Variants in TPST2 observed in about 807,000 individuals in gnomAD.
TPST2 encodes protein-tyrosine sulfotransferase 2.
Under a neutral mutation model 27.8 loss-of-function variants are expected in TPST2, and 16 were observed. That is an observed-to-expected ratio of 0.58 (90% CI 0.39 to 0.88). TPST2 has a LOEUF of 0.88. TPST2 is among the 40% of genes least tolerant of loss of function. The pLI, the probability that TPST2 is intolerant of heterozygous loss-of-function variation, is 0.00. For synonymous variants in TPST2, 229 were observed against 231.7 expected (o/e 0.99, Z 0.10); for missense variants, 464 against 543.1 (o/e 0.85, Z 1.45).
At chr22:26,545,754 AG>A (rs1926081722) in intron 1 of TPST2, among the ~76,000 whole-genome samples, 1 of 152,190 alleles carries the variant, frequency 6.6e-6, no homozygotes, top group African/African-American at 2.4e-5. Context: ...GATTTTAACC[AG>A]GGTAACAACA....
intron 5 of TPST2, among the ~76,000 whole-genome samples, chr22:26,529,722 G>GTTGTATTC (rs1336147839): frequency 6.6e-6 from 1 of 152,162 alleles, no homozygotes; most frequent in African/African-American, 2.4e-5. Flanking sequence ...CTGTACCTGA[G>GTTGTATTC]TTGTATTCTT....
intron 1 of TPST2, among the ~76,000 whole-genome samples, chr22:26,588,931 G>A (rs1035760227): frequency 9.2e-5 from 14 of 152,194 alleles, no homozygotes; most frequent in African/African-American, 3.1e-4. Flanking sequence ...CTGTTGGGAA[G>A]TGAGAAAAAG....
intron 1 of TPST2, among the ~76,000 whole-genome samples, chr22:26,588,655 G>A (rs1221549147): frequency 6.6e-6 from 1 of 152,126 alleles, no homozygotes; most frequent in Non-Finnish European, 1.5e-5. Context: ...AGTGGGGTGG[G>A]GGGATTCAGA....
chr22:26,536,227 A>G lies in TPST2; in HGVS notation c.1041+61T>C, dbSNP rs553997414. 1.5e-5 allele frequency: 24 copies of G among 1,582,134 alleles called. No individual in the cohort carries two copies. In the African/African-American group the frequency reaches 2.8e-4, roughly 19 times the overall value. On this transcript the variant is annotated intron_variant, in intron 4 of 6. Transcript: ENST00000338754. ...ATTTCCTCAGGTGGCTGGAGTTTCC[A>G]CATCTGCAGAAGCCCCATATCCCCA...
chr22:26,577,095 CAAAA>C (rs34865016), intron 1 of TPST2, among the ~76,000 whole-genome samples: 3 of 75,526 alleles, frequency 4.0e-5, no homozygotes, highest in Admixed American at 1.7e-4. Context: ...GACTCTGTTG[CAAAA>C]AAAAAAAAAA....
chr22:26,537,176 G>A (rs1925514969), intron 3 of TPST2, among the ~76,000 whole-genome samples: 2 of 152,152 alleles, frequency 1.3e-5, no homozygotes, highest in Non-Finnish European at 2.9e-5. Flanking sequence ...CCAGCCCATC[G>A]GCTTCCTACA....
At chr22:26,568,864 CTTT>C (rs985608738) in intron 1 of TPST2, among the ~76,000 whole-genome samples, 8 of 119,588 alleles carry the variant, frequency 6.7e-5, no homozygotes, top group African/African-American at 6.3e-5. Context: ...ACCCTGAATT[CTTT>C]TTTTTTTTTT....
In TPST2 at chr22:26,576,196, A is replaced by G. The variant is rs531871120; in HGVS notation, c.-161+13857T>C. 7.9e-5 allele frequency among the ~76,000 whole-genome samples: 12 copies of G among 152,236 alleles called. No homozygotes were observed. The South Asian group carries it at 1.2e-3, about 16-fold the overall frequency. ...CTAATTAAGGAAATCCCACGTCCCA[A>G]TGGGGCTCCACCCCATATGCCTTGG... On this transcript the variant is annotated intron_variant, in intron 1 of 6. Coordinates refer to ENST00000338754, the MANE Select transcript of TPST2 (RefSeq NM_003595.5).
At chr22:26,528,416 G>A (rs1045744643) in intron 5 of TPST2, among the ~76,000 whole-genome samples, 154 bp from the exon 6 acceptor site, 1 of 152,216 alleles carries the variant, frequency 6.6e-6, no homozygotes, top group African/African-American at 2.4e-5. Flanking sequence ...CTGGGATAGC[G>A]TGGTGAGCGG....
At chr22:26,557,137 T>C (rs1926843445) in intron 1 of TPST2, among the ~76,000 whole-genome samples, 1 of 152,232 alleles carries the variant, frequency 6.6e-6, no homozygotes, top group African/African-American at 2.4e-5. Flanking sequence ...GCATGTGACC[T>C]TGGCTACTAA....
At chr22:26,576,481 G>A (rs1273056904) in intron 1 of TPST2, among the ~76,000 whole-genome samples, 2 of 151,998 alleles carry the variant, frequency 1.3e-5, no homozygotes, top group African/African-American at 2.4e-5. Context: ...GAGCTGAGTC[G>A]AAAAGAATGC....
intron 1 of TPST2, among the ~76,000 whole-genome samples, chr22:26,553,160 G>T (rs916893175): frequency 6.6e-6 from 1 of 151,946 alleles, no homozygotes; most frequent in Non-Finnish European, 1.5e-5. Context: ...GAGCCGAGGT[G>T]GAAGCCAGTT....
chr22:26,546,651 T>C (rs902558291), intron 1 of TPST2, among the ~76,000 whole-genome samples: 1 of 152,346 alleles, frequency 6.6e-6, no homozygotes, highest in Middle Eastern at 3.4e-3. Flanking sequence ...ATGTAACTAT[T>C]TGAACTCACC....
At chr22:26,561,657 T>C (rs1448467043) in intron 1 of TPST2, among the ~76,000 whole-genome samples, 1 of 152,224 alleles carries the variant, frequency 6.6e-6, no homozygotes, top group Non-Finnish European at 1.5e-5. Context: ...GTTCCACACC[T>C]AGCAAACAGC....
rs565931254 is a variant in TPST2, at chr22:26,529,802, C to T, written c.1093-1540G>A. Among the ~76,000 whole-genome samples, 21 of 152,198 alleles carry T rather than the reference C, an allele frequency of 1.4e-4. No homozygotes were observed. In the South Asian group the frequency reaches 2.1e-3, roughly 15 times the overall value. On this transcript the variant is annotated intron_variant, in intron 5 of 6. Transcript: ENST00000338754. ...GTGGCACGAACATGTGCCACATGTG[C>T]CATACCCAGCTAAGGCTTTCTCTTT...
At chr22:26,528,372 T>A in intron 5 of TPST2, 110 bp from the exon 6 acceptor site, 1 of 1,283,514 alleles carries the variant, frequency 7.8e-7, no homozygotes, top group Non-Finnish European at 1.1e-6. Context: ...CTTATTCACG[T>A]AGTATTTACT....
At chr22:26,583,297 C>T (rs1465207139) in intron 1 of TPST2, among the ~76,000 whole-genome samples, 4 of 150,422 alleles carry the variant, frequency 2.7e-5, no homozygotes, top group African/African-American at 9.8e-5. Context: ...ATTAGCTGGG[C>T]ATGGTAGTAG....
intron 1 of TPST2, among the ~76,000 whole-genome samples, chr22:26,576,012 T>TA (rs141928651): frequency 0.14 from 19,433 of 142,674 alleles, 1,793 homozygotes; most frequent in East Asian, 0.29. Context: ...AATAAATAAG[T>TA]AAATAAATAA....
chr22:26,569,384 TC>T (rs1291059908), intron 1 of TPST2, among the ~76,000 whole-genome samples: 1 of 152,230 alleles, frequency 6.6e-6, no homozygotes, highest in Admixed American at 6.5e-5. Flanking sequence ...CAGCTATTGA[TC>T]CAGGTGCTGG....
Sources: gnomAD v4.1 joint callset for allele counts (sites outside exome capture counted in the v4.1 genomes callset) on GRCh38, gnomAD v4.1.1 for gene constraint, MANE v1.5 for transcripts, NCBI Gene and HGNC (gene_info 2026-07-23, HGNC 2026-07-21) for gene names.